The following BCAT1 variants were observed in gnomAD, a reference collection of about 807,000 sequenced individuals.
BCAT1 encodes the protein branched chain amino acid transaminase 1, also known as branched-chain-amino-acid aminotransferase, cytosolic.
BCAT1 carries 48 observed loss-of-function variants against 52.4 expected under a neutral mutation model. The observed-to-expected ratio is 0.92, with a 90% CI of 0.73 to 1.16. The LOEUF is 1.16. Among genes scored for constraint, BCAT1 ranks in the 50% most tolerant of loss-of-function variants. The probability of loss-of-function intolerance (pLI) is 0.00; values close to 1 mark genes in which losing one functional copy is unlikely to be tolerated. For missense variants in BCAT1, 451 were observed against 457.1 expected, an observed-to-expected ratio of 0.99 and a Z score of 0.12; for synonymous variants, 167 against 161.3, an observed-to-expected ratio of 1.04 and a Z score of -0.27.
In BCAT1 at chr12:24,811,189, T is replaced by C. The variant is rs1212423487; in HGVS notation, c.*6819A>G. 6.6e-6 allele frequency: 1 copy of C among 152,206 alleles called. No homozygotes were observed. Among genetic ancestry groups the C allele is most frequent in the Non-Finnish European group, 1.5e-5 (1 of 68,012 alleles). The allele number at this position is 152,206 out of a possible 1,614,324, so 9.4% of individuals were successfully genotyped here. ...AGAAACATATTGAATCTCTATCCAG[T>C]GGTGTGGTTTCTGGTCTTTCTGGTG... On this transcript the variant is annotated 3_prime_UTR_variant, in exon 11 of 11. Coordinates refer to ENST00000261192, the MANE Select transcript of BCAT1 (RefSeq NM_005504.7).
At chr12:24,925,737 G>A (rs1010151004) in intron 1 of BCAT1, among the ~76,000 whole-genome samples, 49 of 152,180 alleles carry the variant, frequency 3.2e-4, no homozygotes, top group Admixed American at 1.0e-3. Flanking sequence ...TTGCAGGCGC[G>A]CGCCACCATG....
intron 8 of BCAT1, chr12:24,834,648 T>C (rs1381408181): frequency 1.0e-6 from 1 of 989,298 alleles, no homozygotes; most frequent in African/African-American, 1.7e-5. Flanking sequence ...ACTCATGCTG[T>C]AAGTAGATTT....
intron 1 of BCAT1, chr12:24,903,034 G>A: frequency 1.4e-6 from 2 of 1,401,586 alleles, no homozygotes; most frequent in Non-Finnish European, 1.8e-6. Context: ...GCAGTGGCAC[G>A]GAGCGCGCGG....
intron 7 of BCAT1, among the ~76,000 whole-genome samples, chr12:24,837,877 C>CA (rs1161103004): frequency 3.9e-5 from 6 of 152,184 alleles, no homozygotes; most frequent in Non-Finnish European, 8.8e-5. Flanking sequence ...ATTCAAGAAA[C>CA]AAAACTCCAA....
At chr12:24,911,609 C>T (rs1404390448) in intron 1 of BCAT1, among the ~76,000 whole-genome samples, 2 of 152,206 alleles carry the variant, frequency 1.3e-5, no homozygotes, top group Non-Finnish European at 2.9e-5. Flanking sequence ...ATACACACCA[C>T]GATGAAACTC....
chr12:24,832,616 T>A, intron 9 of BCAT1, 107 bp downstream of exon 9: 1 of 1,309,416 alleles, frequency 7.6e-7, no homozygotes, highest in South Asian at 1.6e-5. Flanking sequence ...ACGACAAAAC[T>A]TTTGCATCTT....
At position 24,843,400 on chromosome 12, in the gene BCAT1, C is replaced by T. The variant is rs567242974; in HGVS notation, c.675-1176G>A. On this transcript the variant is annotated intron_variant, in intron 6 of 10. Transcript: ENST00000261192. ...GGGCGGATCACTGAGGTCAGGAGTT[C>T]GAGACCAGCCCGGCCAACATGGTGA... 3.3e-5 allele frequency among the ~76,000 whole-genome samples: 5 copies of T among 152,192 alleles called. No individual in the cohort carries two copies. In the East Asian group the frequency reaches 7.7e-4, roughly 24 times the overall value.
At chr12:24,825,467 T>C (rs1195696143) in intron 10 of BCAT1, among the ~76,000 whole-genome samples, 4,846 of 21,542 alleles carry the variant, frequency 0.22, 261 homozygotes, top group African/African-American at 0.45. Context: ...TTGCCTGTTT[T>C]TTTTTTTTTT....
chr12:24,889,987 C>A (rs1323301616), intron 3 of BCAT1, among the ~76,000 whole-genome samples: 1 of 152,132 alleles, frequency 6.6e-6, no homozygotes, highest in African/African-American at 2.4e-5. Context: ...TAAAGGGTGG[C>A]ACACCCCGGG....
In BCAT1 at chr12:24,901,935, G is replaced by A. The variant is rs766570562; in HGVS notation, c.7-50C>T. 3.7e-6 allele frequency: 6 copies of A among 1,613,446 alleles called. No homozygotes were observed. In the South Asian group the frequency reaches 4.4e-5, roughly 12 times the overall value. ...TAAGTAAATGCAGGTGGGTAAGCGG[G>A]ACCCGGGGTAACCTACGTGACGCTC... On this transcript the variant is annotated intron_variant, in intron 1 of 10. Transcript: ENST00000261192.
chr12:24,821,085 G>C (rs968576350), intron 10 of BCAT1, among the ~76,000 whole-genome samples: 1 of 152,184 alleles, frequency 6.6e-6, no homozygotes, highest in Non-Finnish European at 1.5e-5. Flanking sequence ...TGGAAACAAA[G>C]TTTGTATGCA....
intron 8 of BCAT1, among the ~76,000 whole-genome samples, chr12:24,833,175 T>C (rs1490476029): frequency 6.6e-6 from 1 of 152,208 alleles, no homozygotes; most frequent in Non-Finnish European, 1.5e-5. Context: ...TTGTATAAAG[T>C]CTCACAAAAT....
At chr12:24,862,607 A>G (rs1358440706) in intron 5 of BCAT1, among the ~76,000 whole-genome samples, 1 of 152,162 alleles carries the variant, frequency 6.6e-6, no homozygotes, top group Non-Finnish European at 1.5e-5. Context: ...TTAGCCTACT[A>G]TGTATGTGTG....
At chr12:24,848,083 C>T (rs10161442) in intron 6 of BCAT1, among the ~76,000 whole-genome samples, 1,612 of 152,282 alleles carry the variant, frequency 0.011, 31 homozygotes, top group African/African-American at 0.036. Flanking sequence ...CACCTTCCCT[C>T]TTGCCATTTT....
intron 3 of BCAT1, 49 bp from the exon 4 acceptor site, chr12:24,881,460 C>A: frequency 7.7e-7 from 1 of 1,292,074 alleles, no homozygotes; most frequent in South Asian, 1.2e-5. Flanking sequence ...AAGAAAACAA[C>A]CCGTGTTCAA....
intron 1 of BCAT1, among the ~76,000 whole-genome samples, chr12:24,931,353 A>T (rs1352350905): frequency 6.6e-6 from 1 of 152,208 alleles, no homozygotes; most frequent in Non-Finnish European, 1.5e-5. Context: ...AAATTAGAAG[A>T]TCAAACAAGG....
chr12:24,925,729 GCAGGCGCGCGCCAC>G lies in BCAT1; in HGVS notation c.6+23184_6+23197del, dbSNP rs1943568230. ...CTCAGCCTGCCGAGTGCCTGTGATT[GCAGGCGCGCGCCAC>G]CATGCCTGACTGGTTTTCGTATTTT... On this transcript the variant is annotated intron_variant, in intron 1 of 10. Coordinates refer to ENST00000261192, the MANE Select transcript of BCAT1 (RefSeq NM_005504.7). Among the ~76,000 whole-genome samples the G allele has an allele frequency of 2.6e-5, 4 of 152,286 alleles. No individual in the cohort carries two copies. The South Asian group carries it at 8.3e-4, about 32-fold the overall frequency.
intron 3 of BCAT1, among the ~76,000 whole-genome samples, chr12:24,887,633 T>A (rs1204912357): frequency 1.3e-5 from 2 of 152,240 alleles, no homozygotes; most frequent in Non-Finnish European, 2.9e-5. Context: ...ACTGTTCTAT[T>A]TCTTTATCTG....
Position 24,878,653 on chromosome 12 carries a change from A to C in BCAT1, c.391-4T>G, listed in dbSNP as rs752931782. 4 of 1,596,156 alleles carry C rather than the reference A, an allele frequency of 2.5e-6. No individual in the cohort carries two copies. Among genetic ancestry groups the C allele is most frequent in the Non-Finnish European group, 3.4e-6 (4 of 1,171,222 alleles). ...AGAGCTCTTCTTTGTCAAATACCTG[A>C]AAGAATGAAAAACATAATAAATGAC... On this transcript the variant is annotated splice_polypyrimidine_tract_variant and splice_region_variant and intron_variant, in intron 4 of 10. Coordinates refer to ENST00000261192, the MANE Select transcript of BCAT1 (RefSeq NM_005504.7).
Sources: allele counts gnomAD v4.1 joint callset (sites outside exome capture counted in the v4.1 genomes callset), GRCh38; gene constraint gnomAD v4.1.1; transcripts MANE v1.5; gene names NCBI Gene and HGNC (gene_info 2026-07-23, HGNC 2026-07-21).